Variants in TTC28 observed in about 807,000 individuals in gnomAD.
TTC28 encodes tetratricopeptide repeat protein 28.
In TTC28, 61 loss-of-function variants were observed where a neutral mutation model predicts 198.0. That is an observed-to-expected ratio of 0.31 (90% confidence interval 0.25 to 0.38). The LOEUF is 0.38. Among genes scored for constraint, TTC28 ranks in the 10% least tolerant of loss-of-function variants. TTC28 has a pLI of 1.00. For missense variants in TTC28, 2,678 were observed against 3,164.0 expected (o/e 0.85, Z 3.69); for synonymous variants, 1,171 against 1,297.8 (o/e 0.90, Z 2.10).
intron 2 of TTC28, among the ~76,000 whole-genome samples, chr22:28,361,880 A>G (rs2046164464): frequency 6.6e-6 from 1 of 152,218 alleles, no homozygotes; most frequent in African/African-American, 2.4e-5. Flanking sequence ...TGCCCTACAA[A>G]TGAAACAACA....
chr22:28,262,742 A>G (rs1931412030), intron 5 of TTC28, among the ~76,000 whole-genome samples: 1 of 152,186 alleles, frequency 6.6e-6, no homozygotes, highest in African/African-American at 2.4e-5. Flanking sequence ...TCTCTCATTT[A>G]TTACATACAT....
chr22:28,638,523 C>T (rs1182205642), intron 1 of TTC28, among the ~76,000 whole-genome samples: 2 of 151,756 alleles, frequency 1.3e-5, no homozygotes, highest in Non-Finnish European at 2.9e-5. Flanking sequence ...AGTAACAAAT[C>T]GGTTAAAAAA....
At chr22:28,560,062 T>C (rs1408056974) in intron 2 of TTC28, among the ~76,000 whole-genome samples, 3 of 152,168 alleles carry the variant, frequency 2.0e-5, no homozygotes, top group Admixed American at 6.5e-5. Context: ...AATTTCTCCT[T>C]CATTCCTTCC....
At chr22:28,296,422 G>A (rs911177240) in intron 4 of TTC28, 94 bp from the exon 5 acceptor site, 20 of 1,091,602 alleles carry the variant, frequency 1.8e-5, no homozygotes, top group Non-Finnish European at 2.3e-5. Flanking sequence ...AAGAGCCACA[G>A]ATTTATTAGC....
intron 2 of TTC28, 35 bp downstream of exon 2, chr22:28,629,517 T>C (rs776374969): frequency 1.5e-5 from 23 of 1,508,106 alleles, no homozygotes; most frequent in Non-Finnish European, 1.8e-5. Flanking sequence ...CAAAAGATTC[T>C]ATGAAAATAA....
intron 5 of TTC28, among the ~76,000 whole-genome samples, chr22:28,248,460 A>C (rs544529896): frequency 6.6e-6 from 1 of 152,328 alleles, no homozygotes; most frequent in African/African-American, 2.4e-5. Flanking sequence ...AATTCTTAAC[A>C]CTGACAACTA....
At chr22:28,415,147 C>A (rs2047147928) in intron 2 of TTC28, among the ~76,000 whole-genome samples, 2 of 152,056 alleles carry the variant, frequency 1.3e-5, no homozygotes, top group South Asian at 4.2e-4. Flanking sequence ...CAAAACATGT[C>A]AAATGAGAGG....
chr22:28,609,096 G>A (rs2050778537), intron 2 of TTC28, among the ~76,000 whole-genome samples: 1 of 152,106 alleles, frequency 6.6e-6, no homozygotes, highest in African/African-American at 2.4e-5. Flanking sequence ...CAAGATACTG[G>A]ACTTACTAGA....
chr22:28,305,366 A>C (rs1288046135), intron 3 of TTC28, among the ~76,000 whole-genome samples: 1 of 152,126 alleles, frequency 6.6e-6, no homozygotes, highest in African/African-American at 2.4e-5. Flanking sequence ...GAGTTTATAA[A>C]ATCGCATGAC....
In TTC28 at chr22:28,399,719, CTTG is replaced by C. The variant is rs1569305502; in HGVS notation, c.382-93079_382-93077del. Among the ~76,000 whole-genome samples the C allele has an allele frequency of 3.3e-5, 5 of 152,212 alleles. No homozygotes were observed. The East Asian group carries it at 5.8e-4, about 18-fold the overall frequency. ...GTTCAAAGATAATAAGTTTTTAATT[CTTG>C]TTGTTTCATATTACCAAAATCACTG... On this transcript the variant is annotated intron_variant, in intron 2 of 22. Transcript: ENST00000397906.
At chr22:28,617,798 T>C (rs781449841) in intron 2 of TTC28, among the ~76,000 whole-genome samples, 2 of 152,186 alleles carry the variant, frequency 1.3e-5, no homozygotes, top group Non-Finnish European at 2.9e-5. Flanking sequence ...GACAGACACA[T>C]GGCCCAGTTG....
chr22:28,290,515 CA>C (rs1272175932), intron 5 of TTC28, among the ~76,000 whole-genome samples: 4 of 151,914 alleles, frequency 2.6e-5, no homozygotes, highest in Admixed American at 6.6e-5. Context: ...AGAGAATCAA[CA>C]AAAAAATATG....
chr22:28,213,447 C>T (rs1417214111), intron 5 of TTC28, among the ~76,000 whole-genome samples: 1 of 30,364 alleles, frequency 3.3e-5, no homozygotes, highest in Non-Finnish European at 6.8e-5. Flanking sequence ...GATACAAAAT[C>T]GATGTGCAAA....
intron 2 of TTC28, among the ~76,000 whole-genome samples, chr22:28,469,060 C>T (rs2048065311): frequency 6.6e-6 from 1 of 152,258 alleles, no homozygotes; most frequent in Non-Finnish European, 1.5e-5. Flanking sequence ...GGAACTGCAC[C>T]TCCTCAACGA....
chr22:28,056,027 T>C (rs954332863), intron 12 of TTC28: 2 of 152,236 alleles, frequency 1.3e-5, no homozygotes, highest in Non-Finnish European at 2.9e-5. Flanking sequence ...GATCAATATG[T>C]ACATGCTGTT....
intron 2 of TTC28, among the ~76,000 whole-genome samples, chr22:28,481,178 A>G (rs1239396862): frequency 2.0e-5 from 3 of 152,228 alleles, no homozygotes; most frequent in African/African-American, 7.2e-5. Flanking sequence ...AAAGAATGAA[A>G]TGTTTCTTTT....
intron 5 of TTC28, among the ~76,000 whole-genome samples, chr22:28,187,947 A>G (rs150463150): frequency 1.1e-4 from 17 of 152,374 alleles, no homozygotes; most frequent in African/African-American, 3.8e-4. Flanking sequence ...TTTAAGAAAC[A>G]TCAAGAAAAC....
At chr22:28,538,556 CTTTTTT>C (rs753754141) in intron 2 of TTC28, among the ~76,000 whole-genome samples, 1 of 109,534 alleles carries the variant, frequency 9.1e-6, no homozygotes, top group African/African-American at 3.5e-5. Flanking sequence ...GCACCTTTCT[CTTTTTT>C]TTTTTTTTTT....
At chr22:28,364,460 T>A (rs1267737734) in intron 2 of TTC28, among the ~76,000 whole-genome samples, 1 of 152,202 alleles carries the variant, frequency 6.6e-6, no homozygotes, top group Non-Finnish European at 1.5e-5. Context: ...AGTCTTATTA[T>A]TTAAAAAATA....
Sources: allele counts gnomAD v4.1 joint callset (sites outside exome capture counted in the v4.1 genomes callset), GRCh38; gene constraint gnomAD v4.1.1; transcripts MANE v1.5; gene names NCBI Gene and HGNC (gene_info 2026-07-23, HGNC 2026-07-21).